The following GRID2 variants were observed in gnomAD, a reference collection of about 807,000 sequenced individuals.
GRID2 encodes the protein glutamate receptor ionotropic, delta-2.
A neutral mutation model predicts 114.8 loss-of-function variants in GRID2; 33 were observed. The observed-to-expected ratio is 0.29, with a 90% CI of 0.22 to 0.38. The LOEUF (loss-of-function observed/expected upper bound fraction) is 0.38, where lower values mean the gene tolerates loss of function less well. GRID2 is among the 10% of genes least tolerant of loss of function. GRID2 has a pLI of 1.00. For missense variants in GRID2, 1,184 were observed against 1,257.7 expected (o/e 0.94, Z 0.89); for synonymous variants, 505 against 449.9 (o/e 1.12, Z -1.55).
intron 13 of GRID2, among the ~76,000 whole-genome samples, chr4:93,594,056 G>A (rs1263431264): frequency 1.3e-5 from 2 of 152,130 alleles, no homozygotes; most frequent in Non-Finnish European, 1.5e-5. Flanking sequence ...CTCTCAGCTC[G>A]TCAAAGTCGT....
At chr4:92,718,895 AAAAC>A (rs908660465) in intron 2 of GRID2, among the ~76,000 whole-genome samples, 74 of 152,268 alleles carry the variant, frequency 4.9e-4, no homozygotes, top group Admixed American at 5.9e-4. Flanking sequence ...TAAAATCTAC[AAAAC>A]AAACAATTTA....
chr4:92,875,611 T>A (rs991418232), intron 2 of GRID2, among the ~76,000 whole-genome samples: 1 of 152,138 alleles, frequency 6.6e-6, no homozygotes, highest in African/African-American at 2.4e-5. Flanking sequence ...AATATTATTT[T>A]GAAGAAAATA....
rs551989233 is a variant in GRID2, at chr4:93,634,626, C to A, written c.2360+8191C>A. ...TGAAGCTCGTGTCCTTATGCAGCAC[C>A]GTTCACCAGCTTTGTGGGGCTCTGA... On this transcript the variant is annotated intron_variant, in intron 14 of 15. Transcript: ENST00000282020. 2.6e-5 allele frequency among the ~76,000 whole-genome samples: 4 copies of A among 152,166 alleles called. No individual in the cohort carries two copies. In the South Asian group the frequency reaches 8.3e-4, roughly 32 times the overall value.
intron 13 of GRID2, among the ~76,000 whole-genome samples, chr4:93,608,760 C>T (rs1273454162): frequency 7.3e-6 from 1 of 137,106 alleles, no homozygotes; most frequent in African/African-American, 2.8e-5. Context: ...TGAACAGTGC[C>T]GCAATAAACA....
At chr4:92,796,722 G>T (rs1016838515) in intron 2 of GRID2, among the ~76,000 whole-genome samples, 14 of 151,882 alleles carry the variant, frequency 9.2e-5, no homozygotes, top group African/African-American at 3.1e-4. Context: ...GTTGGCAGAT[G>T]CTGCTTCTCC....
Position 92,760,264 on chromosome 4 carries a change from AAAG to A in GRID2, c.244+169981_244+169983del, listed in dbSNP as rs1469479507. On this transcript the variant is annotated intron_variant, in intron 2 of 15. Coordinates refer to ENST00000282020, the MANE Select transcript of GRID2 (RefSeq NM_001510.4). Reference sequence around the variant, plus strand: ...AAAAAAAAAAAAAAAAAAAAAAAGAAAAGAAATATTTGAAGAAGTCAGTTAGTG... The same window carrying A: ...AAAAAAAAAAAAAAAAAAAAAAAGAAAAATATTTGAAGAAGTCAGTTAGTG... Among the ~76,000 whole-genome samples the A allele has an allele frequency of 3.4e-3, 507 of 151,218 alleles. 3 individuals are homozygous for A. The highest frequency in any genetic ancestry group is 5.7e-3 in the Non-Finnish European group (388 of 67,686).
intron 8 of GRID2, among the ~76,000 whole-genome samples, chr4:93,317,171 T>C (rs2149201644): frequency 6.6e-6 from 1 of 152,234 alleles, no homozygotes; most frequent in East Asian, 1.9e-4. Flanking sequence ...AAGAATGTAT[T>C]ATTGCACACC....
chr4:93,076,485 ATTC>A (rs910191730), intron 2 of GRID2, among the ~76,000 whole-genome samples: 2 of 152,056 alleles, frequency 1.3e-5, no homozygotes, highest in African/African-American at 4.8e-5. Context: ...ATTCTCTTAT[ATTC>A]TTTACACTTT....
chr4:93,234,554 T>C (rs1746538904), intron 7 of GRID2, among the ~76,000 whole-genome samples: 1 of 152,004 alleles, frequency 6.6e-6, no homozygotes, highest in Admixed American at 6.6e-5. Flanking sequence ...TATATGCAAA[T>C]ATATGTATAT....
intron 2 of GRID2, among the ~76,000 whole-genome samples, chr4:92,643,068 T>G (rs1365551616): frequency 6.6e-6 from 1 of 151,820 alleles, no homozygotes; most frequent in Admixed American, 6.6e-5. Flanking sequence ...TGGGATTGTT[T>G]TGGTTATTTG....
At chr4:92,728,937 A>G (rs1276300693) in intron 2 of GRID2, among the ~76,000 whole-genome samples, 1 of 152,014 alleles carries the variant, frequency 6.6e-6, no homozygotes, top group Non-Finnish European at 1.5e-5. Context: ...TCTAGTTTAT[A>G]TTTCCTATTA....
At chr4:92,493,127 C>CAAAAAA (rs1043809824) in intron 1 of GRID2, among the ~76,000 whole-genome samples, 2 of 48,476 alleles carry the variant, frequency 4.1e-5, no homozygotes, top group Non-Finnish European at 9.5e-5. Context: ...GACTCCATCT[C>CAAAAAA]AAAAAAAAAA....
At chr4:92,411,952 G>T (rs556630315) in intron 1 of GRID2, among the ~76,000 whole-genome samples, 5 of 151,850 alleles carry the variant, frequency 3.3e-5, no homozygotes, top group Non-Finnish European at 1.5e-5. Context: ...TGATCCGCCC[G>T]CCTCGGCCTC....
chr4:93,259,930 A>G lies in GRID2; in HGVS notation c.1245+21440A>G, dbSNP rs183808229. Among the ~76,000 whole-genome samples, 179 of 151,894 alleles carry G rather than the reference A, an allele frequency of 1.2e-3. 3 individuals carry two copies. The highest frequency in any genetic ancestry group is 4.3e-3 in the African/African-American group (177 of 41,564). ...AAAGCACACTTAAATGAGTAAGAAG[A>G]GAGAGAATTTTTTAAACATAGCTTA... On this transcript the variant is annotated intron_variant, in intron 8 of 15. Coordinates refer to ENST00000282020, the MANE Select transcript of GRID2 (RefSeq NM_001510.4).
At chr4:93,668,368 G>C (rs1724122343) in intron 14 of GRID2, among the ~76,000 whole-genome samples, 1 of 132,502 alleles carries the variant, frequency 7.5e-6, no homozygotes, top group Non-Finnish European at 1.7e-5. Context: ...TTTCATAGTT[G>C]TTCTCTTTTT....
At chr4:93,191,703 T>C (rs896192828) in intron 4 of GRID2, among the ~76,000 whole-genome samples, 2 of 152,110 alleles carry the variant, frequency 1.3e-5, no homozygotes, top group African/African-American at 4.8e-5. Context: ...TTCTCTCCCA[T>C]GTGTCCCAAA....
intron 14 of GRID2, among the ~76,000 whole-genome samples, chr4:93,731,387 C>T (rs1030337665): frequency 1.3e-5 from 2 of 152,056 alleles, no homozygotes; most frequent in African/African-American, 4.8e-5. Context: ...CAAGGGAGAG[C>T]GGACAGGAAT....
chr4:92,393,467 A>G (rs1368151744), intron 1 of GRID2, among the ~76,000 whole-genome samples: 1 of 152,146 alleles, frequency 6.6e-6, no homozygotes, highest in Non-Finnish European at 1.5e-5. Context: ...CCCTGCACTC[A>G]ACCTACATAT....
intron 1 of GRID2, among the ~76,000 whole-genome samples, chr4:92,427,324 A>G (rs935756164): frequency 1.3e-5 from 2 of 152,194 alleles, no homozygotes; most frequent in African/African-American, 4.8e-5. Context: ...TATTTTGATG[A>G]ATGAATGAAT....
Sources: allele counts gnomAD v4.1 joint callset (sites outside exome capture counted in the v4.1 genomes callset), GRCh38; gene constraint gnomAD v4.1.1; transcripts MANE v1.5; gene names NCBI Gene and HGNC (gene_info 2026-07-23, HGNC 2026-07-21).